Variants in LRCH1 observed in about 807,000 individuals in gnomAD.
The protein encoded by LRCH1 is leucine rich repeats and calponin homology domain containing 1.
In LRCH1, 23 loss-of-function variants were observed where a neutral mutation model predicts 94.9. That is an observed-to-expected ratio of 0.24 (90% CI 0.17 to 0.34). The LOEUF (loss-of-function observed/expected upper bound fraction) is 0.34, where lower values mean the gene tolerates loss of function less well. LRCH1 is among the 10% of genes least tolerant of loss of function. The probability of loss-of-function intolerance (pLI) is 1.00; values close to 1 mark genes in which losing one functional copy is unlikely to be tolerated. For synonymous variants in LRCH1, 364 were observed against 354.9 expected (o/e 1.03, Z -0.29); for missense variants, 790 against 945.9 (o/e 0.84, Z 2.16).
intron 1 of LRCH1, among the ~76,000 whole-genome samples, chr13:46,582,648 CTTTTTTTTTTTTTT>C (rs551678501): frequency 8.6e-5 from 2 of 23,332 alleles, no homozygotes; most frequent in South Asian, 2.4e-3. Context: ...CCATGCCCAG[CTTTTTTTTTTTTTT>C]TTTTTTTTTT....
At chr13:46,685,867 GTTTTTTCTTTCT>G (rs770144037) in intron 4 of LRCH1, 26 bp from the exon 5 acceptor site, 75 of 1,410,380 alleles carry the variant, frequency 5.3e-5, no homozygotes, top group Non-Finnish European at 2.6e-5. Flanking sequence ...GATTTCTAAG[GTTTTTTCTTTCT>G]TTTTTTCTTT....
At chr13:46,656,480 T>C (rs537228534) in intron 2 of LRCH1, among the ~76,000 whole-genome samples, 12 of 152,326 alleles carry the variant, frequency 7.9e-5, no homozygotes, top group Non-Finnish European at 8.8e-5. Flanking sequence ...CTTTAGTGTG[T>C]ATATTAATGT....
intron 2 of LRCH1, among the ~76,000 whole-genome samples, chr13:46,658,857 T>G (rs888037804): frequency 6.6e-6 from 1 of 152,250 alleles, no homozygotes; most frequent in African/African-American, 2.4e-5. Flanking sequence ...TCAGAGAATA[T>G]TATCTGTTTG....
intron 13 of LRCH1, among the ~76,000 whole-genome samples, chr13:46,706,824 T>C (rs1871786237): frequency 1.3e-5 from 2 of 152,208 alleles, no homozygotes; most frequent in Non-Finnish European, 2.9e-5. Context: ...TTAGATTTAC[T>C]AGTAACATTT....
chr13:46,589,084 T>C (rs1282526369), intron 1 of LRCH1, among the ~76,000 whole-genome samples: 1 of 152,200 alleles, frequency 6.6e-6, no homozygotes, highest in South Asian at 2.1e-4. Flanking sequence ...TCACCCAGGC[T>C]GGAGGGCAGT....
chr13:46,748,168 T>A (rs1219775448), downstream of LRCH1, among the ~76,000 whole-genome samples: 1 of 152,232 alleles, frequency 6.6e-6, no homozygotes, highest in African/African-American at 2.4e-5. Context: ...GCTCTTTTCC[T>A]TTGTGACTTT....
intron 14 of LRCH1, 97 bp from the exon 15 acceptor site, chr13:46,712,428 G>A (rs1872113308): frequency 3.3e-6 from 3 of 911,220 alleles, no homozygotes; most frequent in Non-Finnish European, 5.2e-6. Context: ...CAAAAAGGGA[G>A]TAGTTTTGTT....
At chr13:46,735,772 T>G (rs1873338519) in intron 19 of LRCH1, among the ~76,000 whole-genome samples, 1 of 148,744 alleles carries the variant, frequency 6.7e-6, no homozygotes, top group Admixed American at 6.9e-5. Context: ...GAGGTGATTT[T>G]CCTTTTTTTC....
Position 46,742,986 on chromosome 13 carries a change from T to C in LRCH1, c.*1138T>C. 1.0e-6 allele frequency: 1 copy of C among 985,410 alleles called. No individual in the cohort carries two copies. The highest frequency in any genetic ancestry group is 1.2e-6 in the Non-Finnish European group (1 of 829,926). The allele number at this position is 985,410 out of a possible 1,614,324, so 61.0% of individuals were successfully genotyped here. On this transcript the variant is annotated 3_prime_UTR_variant, in exon 20 of 20. Transcript: ENST00000389797. Reference sequence around the variant, plus strand: ...TTTGGAGCAATGTGATCAGTTTGCATTTAAAAGGAAAAAAAAGAATTTTAT... The same window carrying C: ...TTTGGAGCAATGTGATCAGTTTGCACTTAAAAGGAAAAAAAAGAATTTTAT...
chr13:46,743,749 A>G lies in LRCH1; in HGVS notation c.*1901A>G, dbSNP rs757132516. On this transcript the variant is annotated 3_prime_UTR_variant, in exon 20 of 20. Coordinates refer to ENST00000389797, the MANE Select transcript of LRCH1 (RefSeq NM_001164211.2). ...GAGAAAATGGGAAAAAAAAAAAGAA[A>G]ACTTACTGGGTTGCCACCTTAAAAT... The G allele has an allele frequency of 3.0e-6, 3 of 985,234 alleles. No homozygotes were observed. Among genetic ancestry groups the G allele is most frequent in the Non-Finnish European group, 3.6e-6 (3 of 829,794 alleles). The allele number at this position is 985,234 out of a possible 1,614,324, so 61.0% of individuals were successfully genotyped here.
At chr13:46,589,571 A>G (rs2050475115) in intron 1 of LRCH1, among the ~76,000 whole-genome samples, 1 of 145,734 alleles carries the variant, frequency 6.9e-6, no homozygotes, top group South Asian at 2.2e-4. Context: ...TGTTTAATCT[A>G]GCATCTAGAA....
chr13:46,733,196 A>G (rs535854022), intron 18 of LRCH1, among the ~76,000 whole-genome samples: 1 of 152,304 alleles, frequency 6.6e-6, no homozygotes, highest in South Asian at 2.1e-4. Context: ...TTTAGCAGCA[A>G]AGTGTTCAAA....
At chr13:46,560,106 A>G (rs1485876776) in intron 1 of LRCH1, among the ~76,000 whole-genome samples, 1 of 102,714 alleles carries the variant, frequency 9.7e-6, no homozygotes, top group African/African-American at 2.7e-5. Context: ...AACACAAGCT[A>G]TTTTCCTCTT....
At chr13:46,580,739 C>T (rs2050355684) in intron 1 of LRCH1, among the ~76,000 whole-genome samples, 2 of 152,112 alleles carry the variant, frequency 1.3e-5, no homozygotes, top group African/African-American at 2.4e-5. Flanking sequence ...ATTTCTGGCA[C>T]GGAGTGGACC....
At chr13:46,630,137 A>G (rs564247748) in intron 1 of LRCH1, among the ~76,000 whole-genome samples, 1 of 152,296 alleles carries the variant, frequency 6.6e-6, no homozygotes, top group African/African-American at 2.4e-5. Flanking sequence ...TTTTTGCTAT[A>G]TTCTTGCCAC....
At chr13:46,654,676 G>C (rs1201784110) in intron 2 of LRCH1, among the ~76,000 whole-genome samples, 1 of 152,202 alleles carries the variant, frequency 6.6e-6, no homozygotes, top group Non-Finnish European at 1.5e-5. Context: ...TAAAATTAAA[G>C]AAACTGTAAA....
intron 1 of LRCH1, among the ~76,000 whole-genome samples, chr13:46,590,948 G>C (rs1027808183): frequency 6.6e-6 from 1 of 151,520 alleles, no homozygotes; most frequent in African/African-American, 2.4e-5. Context: ...TTTCTTCTCT[G>C]AACTTTATTT....
chr13:46,704,972 T>C (rs2138186897), intron 11 of LRCH1, 96 bp from the exon 12 acceptor site: 1 of 639,762 alleles, frequency 1.6e-6, no homozygotes, highest in South Asian at 2.6e-5. Flanking sequence ...CATAACTTTT[T>C]AGTAAATTAA....
At chr13:46,752,488 A>G (rs1186096272) in exon 19 of LRCH1, 2 of 152,270 alleles carry the variant, frequency 1.3e-5, no homozygotes, top group South Asian at 2.1e-4. Context: ...GTTATTTCCT[A>G]TCAGATGTAC....
Sources: allele counts gnomAD v4.1 joint callset (sites outside exome capture counted in the v4.1 genomes callset), GRCh38; gene constraint gnomAD v4.1.1; transcripts MANE v1.5; gene names NCBI Gene and HGNC (gene_info 2026-07-23, HGNC 2026-07-21).